LRRTM4: variants seen among roughly 807,000 people sequenced by gnomAD.
LRRTM4 encodes leucine rich repeat transmembrane neuronal 4.
In LRRTM4, 25 loss-of-function variants were observed where a neutral mutation model predicts 47.6. The observed-to-expected ratio is 0.53, with a 90% CI of 0.38 to 0.73. LRRTM4 has a LOEUF of 0.73. Among genes scored for constraint, LRRTM4 ranks in the 30% least tolerant of loss-of-function variants. The pLI is 0.00. For synonymous variants in LRRTM4, 311 were observed against 269.5 expected (o/e 1.15, Z -1.51); for missense variants, 638 against 713.4 (o/e 0.89, Z 1.20).
At chr2:77,166,671 T>A (rs1558614732) in intron 3 of LRRTM4, among the ~76,000 whole-genome samples, 1 of 152,156 alleles carries the variant, frequency 6.6e-6, no homozygotes, top group Non-Finnish European at 1.5e-5. Flanking sequence ...AACCATCTGA[T>A]CTTTGACAAA....
intron 3 of LRRTM4, among the ~76,000 whole-genome samples, chr2:77,078,669 C>T (rs1490026718): frequency 6.6e-6 from 1 of 152,116 alleles, no homozygotes; most frequent in African/African-American, 2.4e-5. Context: ...TCATCTGATA[C>T]ACATATAGTT....
Position 76,865,373 on chromosome 2 carries a change from A to T in LRRTM4, c.1552-116457T>A, listed in dbSNP as rs1672435687. 2.0e-5 allele frequency among the ~76,000 whole-genome samples: 3 copies of T among 152,262 alleles called. No homozygotes were observed. In the South Asian group the frequency reaches 6.2e-4, roughly 32 times the overall value. On this transcript the variant is annotated intron_variant, in intron 3 of 3. Coordinates refer to ENST00000409884, the MANE Select transcript of LRRTM4 (RefSeq NM_001134745.3). ...AAAGAGTCAACATAGAATTGATACCAATGACACCATTGGATTTACATGGCC... is the reference window on the plus strand; with the variant it reads ...AAAGAGTCAACATAGAATTGATACCTATGACACCATTGGATTTACATGGCC...
rs74651935 is a variant in LRRTM4 at position 76,927,496 on chromosome 2, G to T, written c.1552-178580C>A. 6.7e-3 allele frequency among the ~76,000 whole-genome samples: 1,016 copies of T among 152,164 alleles called. 17 individuals are homozygous for T. The highest frequency in any genetic ancestry group is 0.056 in the East Asian group (290 of 5,154). On this transcript the variant is annotated intron_variant, in intron 3 of 3. Transcript: ENST00000409884. ...CAGAGACAAAAGATGGAATTGGAAA[G>T]GCTTCCTGGTAGATGTTGGTTCTCG...
chr2:76,870,959 CTGAA>C (rs1326272844), intron 3 of LRRTM4, among the ~76,000 whole-genome samples: 1 of 152,172 alleles, frequency 6.6e-6, no homozygotes, highest in African/African-American at 2.4e-5. Context: ...GCTTTGCTCT[CTGAA>C]TGAATCCAGA....
chr2:77,018,259 CTTTTTTTT>C (rs59294966), intron 3 of LRRTM4, among the ~76,000 whole-genome samples: 2,157 of 75,092 alleles, frequency 0.029, 75 homozygotes, highest in Middle Eastern at 0.095. Flanking sequence ...CTCTTGATTG[CTTTTTTTT>C]TTTTTTTTTT....
intron 3 of LRRTM4, among the ~76,000 whole-genome samples, chr2:77,230,450 A>T (rs1323686176): frequency 9.2e-5 from 14 of 152,132 alleles, no homozygotes; most frequent in South Asian, 2.1e-4. Flanking sequence ...AATTTCTAGA[A>T]GGACAATGTG....
At chr2:76,812,767 TCTCCCTCCC>T in intron 3 of LRRTM4, among the ~76,000 whole-genome samples, 1 of 95,916 alleles carries the variant, frequency 1.0e-5, no homozygotes, top group South Asian at 4.2e-4. Flanking sequence ...CTCCTCCTCC[TCTCCCTCCC>T]CCTCCTCCTC....
At chr2:77,266,996 CCAAA>C (rs1237843627) in intron 3 of LRRTM4, among the ~76,000 whole-genome samples, 3 of 152,088 alleles carry the variant, frequency 2.0e-5, no homozygotes, top group East Asian at 1.9e-4. Context: ...TCCTTCCCCA[CCAAA>C]CAAACAGAAA....
intron 3 of LRRTM4, among the ~76,000 whole-genome samples, chr2:77,065,868 T>C (rs1364442386): frequency 1.3e-5 from 2 of 152,302 alleles, no homozygotes; most frequent in African/African-American, 2.4e-5. Flanking sequence ...AGGAGAATGA[T>C]GCTAGCCTTA....
At position 77,083,783 on chromosome 2, in the gene LRRTM4, C is replaced by CTTTTTTTTTTTTTTT. The variant is rs386390525; in HGVS notation, c.1552-334882_1552-334868dup. Among the ~76,000 whole-genome samples the CTTTTTTTTTTTTTTT allele has an allele frequency of 9.2e-4, 48 of 52,400 alleles. 14 individuals carry two copies. Among genetic ancestry groups the CTTTTTTTTTTTTTTT allele is most frequent in the Non-Finnish European group, 1.7e-3 (40 of 23,546 alleles). 34.4% of individuals were successfully genotyped at this position (52,400 alleles called of 152,430 possible). On this transcript the variant is annotated intron_variant, in intron 3 of 3. Coordinates refer to ENST00000409884, the MANE Select transcript of LRRTM4 (RefSeq NM_001134745.3). ...ACTTCTCAATTTTTAACTGGACACA[C>CTTTTTTTTTTTTTTT]TTTTTTTTTTTTTTTTTTTTTTTTT...
At chr2:76,985,052 T>G (rs1676745384) in intron 3 of LRRTM4, among the ~76,000 whole-genome samples, 1 of 152,032 alleles carries the variant, frequency 6.6e-6, no homozygotes, top group African/African-American at 2.4e-5. Context: ...TAATTTTCTT[T>G]GTATGAGTGG....
intron 3 of LRRTM4, among the ~76,000 whole-genome samples, chr2:76,876,650 G>C (rs758767154): frequency 4.0e-5 from 6 of 151,790 alleles, no homozygotes; most frequent in Non-Finnish European, 7.4e-5. Flanking sequence ...CTTCTTTCTT[G>C]CTTCTTCCCA....
chr2:76,796,785 C>A (rs1288965336), intron 3 of LRRTM4, among the ~76,000 whole-genome samples: 1 of 152,014 alleles, frequency 6.6e-6, no homozygotes, highest in South Asian at 2.1e-4. Flanking sequence ...CAGTTCCTCA[C>A]CATCAACAGA....
At chr2:76,782,181 C>T (rs1287196901) in intron 3 of LRRTM4, among the ~76,000 whole-genome samples, 4 of 152,182 alleles carry the variant, frequency 2.6e-5, no homozygotes, top group Non-Finnish European at 2.9e-5. Context: ...TTTTGCAACA[C>T]ATGTAAGATT....
chr2:77,351,397 T>C lies in LRRTM4; in HGVS notation c.1551+166921A>G, dbSNP rs371150078. On this transcript the variant is annotated intron_variant, in intron 3 of 3. Coordinates refer to ENST00000409884, the MANE Select transcript of LRRTM4 (RefSeq NM_001134745.3). ...TTGAAGATGTAAGTGTAATGATGTT[T>C]ATTGCAGTATTTATTAAAATATAAT... Among the ~76,000 whole-genome samples the C allele has an allele frequency of 4.7e-4, 72 of 152,080 alleles. 1 individual carries two copies. In the South Asian group the frequency reaches 0.015, roughly 31 times the overall value.
chr2:76,865,260 T>C (rs936673003), intron 3 of LRRTM4, among the ~76,000 whole-genome samples: 1 of 152,194 alleles, frequency 6.6e-6, no homozygotes, highest in Admixed American at 6.6e-5. Flanking sequence ...TAATATGATT[T>C]ATTTAGTCAA....
chr2:77,066,414 T>G (rs1679958394), intron 3 of LRRTM4, among the ~76,000 whole-genome samples: 1 of 152,202 alleles, frequency 6.6e-6, no homozygotes, highest in Admixed American at 6.5e-5. Flanking sequence ...TACAGCTACC[T>G]GTGGTCATTG....
chr2:77,053,162 A>G (rs1215859612), intron 3 of LRRTM4, among the ~76,000 whole-genome samples: 1 of 152,202 alleles, frequency 6.6e-6, no homozygotes, highest in Non-Finnish European at 1.5e-5. Context: ...TCAGTAAGGC[A>G]GAATTCAGAT....
chr2:77,474,527 A>G (rs895316122), intron 3 of LRRTM4, among the ~76,000 whole-genome samples: 1 of 152,140 alleles, frequency 6.6e-6, no homozygotes, highest in Non-Finnish European at 1.5e-5. Flanking sequence ...AATCAATATA[A>G]TAGATTAAAG....
Sources: gnomAD v4.1 joint callset for allele counts (sites outside exome capture counted in the v4.1 genomes callset) on GRCh38, gnomAD v4.1.1 for gene constraint, MANE v1.5 for transcripts, NCBI Gene and HGNC (gene_info 2026-07-23, HGNC 2026-07-21) for gene names.